The following POLR1A variants were observed in gnomAD, a reference collection of about 807,000 sequenced individuals.
POLR1A encodes the protein DNA-directed RNA polymerase I subunit RPA1.
Under a neutral mutation model 205.3 loss-of-function variants are expected in POLR1A, and 84 were observed. The ratio of observed to expected loss-of-function variants is 0.41; its 90% CI spans 0.34 to 0.49. The LOEUF is 0.49. Ranked by LOEUF, POLR1A falls within the 20% of genes least tolerant of loss-of-function variation. POLR1A has a pLI of 0.22. For synonymous variants in POLR1A, 799 were observed against 863.7 expected, an observed-to-expected ratio of 0.93 and a Z score of 1.31; for missense variants, 1,645 against 2,204.5, an observed-to-expected ratio of 0.75 and a Z score of 5.08.
rs542981410 is a variant in POLR1A at position 86,038,630 on chromosome 2, G to A, written c.4034+70C>T. 4.7e-6 allele frequency: 7 copies of A among 1,483,084 alleles called. No homozygotes were observed. The Admixed American group carries it at 1.2e-4, about 25-fold the overall frequency. 91.9% of individuals were successfully genotyped at this position (1,483,084 alleles called of 1,614,324 possible). ...CAATCTCTAGGAGCCTTGTGGCTAGGTGCTTCCTGCCCCAGTTCAAGCGCA... is the reference window on the plus strand; with the variant it reads ...CAATCTCTAGGAGCCTTGTGGCTAGATGCTTCCTGCCCCAGTTCAAGCGCA... On this transcript the variant is annotated intron_variant, in intron 27 of 33. Transcript: ENST00000263857.
rs1673068500 is a variant in POLR1A at position 86,065,365 on chromosome 2, A to G, written c.1967T>C (p.Leu656Pro). 1 of 1,614,208 alleles carries G rather than the reference A, an allele frequency of 6.2e-7. No homozygotes were observed. Among genetic ancestry groups the G allele is most frequent in the Non-Finnish European group, 8.5e-7 (1 of 1,180,018 alleles). ...CFFTREHYME[L>P]VYRGLTDKVG... ...TTTGTCCGTGAGTCCTCGGTACACC[A>G]GCTCCATATAGTGCTCCCGGGTGAA... The change falls in exon 14 of 34, where the codon CTG becomes CCG. Residue 656 changes from leucine to proline, a missense_variant. Physicochemically the swap from Leu to Pro is moderately conservative, Grantham distance 98. This residue lies in a region of POLR1A where 339 missense variants were observed against 415.1 expected (regional missense o/e 0.82). Coordinates refer to ENST00000263857, the MANE Select transcript of POLR1A (RefSeq NM_015425.6).
chr2:86,091,939 C>T (rs958718980), intron 3 of POLR1A, among the ~76,000 whole-genome samples: 1 of 151,994 alleles, frequency 6.6e-6, no homozygotes, highest in African/African-American at 2.4e-5. Context: ...CATGGTGACA[C>T]CCCATCTCTA....
Position 86,028,639 on chromosome 2 carries a change from G to A in POLR1A, c.4852C>T (p.Leu1618=). 6.2e-7 allele frequency: 1 copy of A among 1,614,172 alleles called. No homozygotes were observed. The highest frequency in any genetic ancestry group is 8.5e-7 in the Non-Finnish European group (1 of 1,179,966). The part of the protein sequence containing the change: ...IANTYGIEAA[L]RVIEKEIKDV... The stretch of plus-strand genomic sequence containing the variant: ...TTGATCTCCTTCTCGATCACCCGCA[G>A]CGCGGCCTCAATGCCATACGTGTTG... The change falls in exon 32 of 34, where the codon CTG becomes TTG. Residue 1618 remains leucine (L), a synonymous_variant. Coordinates refer to ENST00000263857, the MANE Select transcript of POLR1A (RefSeq NM_015425.6). This position sits in a 1 kb window ranked among gnomAD's most constrained non-coding sequence, Gnocchi z 4.5.
At chr2:86,050,970 T>C (rs548622901) in intron 16 of POLR1A, among the ~76,000 whole-genome samples, 2 of 152,336 alleles carry the variant, frequency 1.3e-5, no homozygotes, top group South Asian at 4.1e-4. Flanking sequence ...ACTTAACTTA[T>C]AATCCTTATC....
At position 86,039,333 on chromosome 2, in the gene POLR1A, C is replaced by G. The variant is rs765358583; in HGVS notation, c.3870G>C (p.Leu1290Phe). 1 of 1,613,850 alleles carries G rather than the reference C, an allele frequency of 6.2e-7. No homozygotes were observed. The highest frequency in any genetic ancestry group is 1.1e-5 in the South Asian group (1 of 91,064). The change falls in exon 26 of 34, where the codon TTG becomes TTC. Residue 1290 changes from leucine (L) to phenylalanine (F), a missense_variant. Leu to Phe is a conservative substitution (Grantham distance 22). Around this residue, in one of 16 missense-constraint regions of POLR1A, gnomAD observed 394 missense variants for 468.5 expected, o/e 0.84. Transcript: ENST00000263857. ...SLKKQLTRVC[L>F]GEVLQKIDVQ... Reference sequence around the variant, plus strand: ...TGGGAAGGAGAGACGTTACCTCCCCCAAGCACACCCTGGTGAGTTGCTTCT... The same window carrying G: ...TGGGAAGGAGAGACGTTACCTCCCCGAAGCACACCCTGGTGAGTTGCTTCT...
chr2:86,043,130 G>A lies in POLR1A; in HGVS notation c.3201C>T (p.His1067=). Residue 1067 remains histidine (H), a synonymous_variant, in exon 23 of 34, where the codon CAC becomes CAT. Transcript: ENST00000263857. ...GCCATTTTTTGATAGCTCTGAAGTGGTGGAGAGCTTTTTTGGGATCTGCTC... is the reference window on the plus strand; with the variant it reads ...GCCATTTTTTGATAGCTCTGAAGTGATGGAGAGCTTTTTTGGGATCTGCTC... ...LSRADPKKAL[H]HFRAIKKWQS... 6.2e-7 allele frequency: 1 copy of A among 1,614,120 alleles called. No homozygotes were observed. Among genetic ancestry groups the A allele is most frequent in the Non-Finnish European group, 8.5e-7 (1 of 1,179,968 alleles).
In POLR1A at chr2:86,052,884, G is replaced by A; in HGVS notation, c.2325C>T (p.Gly775=). The part of the protein sequence containing the change: ...CYEIYGGETS[G]KVLTCLARLF... Reference sequence around the variant, plus strand: ...GGCGGGCCAGGCAGGTTAGAACCTTGCCGCTGGTCTCGCCTCCATAGATCT... The same window carrying A: ...GGCGGGCCAGGCAGGTTAGAACCTTACCGCTGGTCTCGCCTCCATAGATCT... The change falls in exon 16 of 34, where the codon GGC becomes GGT. Residue 775 remains glycine (G), a synonymous_variant. Transcript: ENST00000263857. 1 of 1,607,426 alleles carries A rather than the reference G, an allele frequency of 6.2e-7. No homozygotes were observed. The highest frequency in any genetic ancestry group is 8.5e-7 in the Non-Finnish European group (1 of 1,176,828).
intron 16 of POLR1A, among the ~76,000 whole-genome samples, chr2:86,049,449 C>T (rs999696189): frequency 7.2e-5 from 11 of 152,272 alleles, no homozygotes; most frequent in African/African-American, 2.6e-4. Context: ...CCCCATTTTA[C>T]AAATGACAAA....
In POLR1A at chr2:86,023,068, C is replaced by T. The variant is rs1486533258; in HGVS notation, c.*4355G>A. On this transcript the variant is annotated 3_prime_UTR_variant, in exon 34 of 34. Transcript: ENST00000263857. The stretch of plus-strand genomic sequence containing the variant: ...AGAATCGATCTTTTTAAAAAGCTCC[C>T]TAAGTGTTTCTAAGGTCCAAAACTG... 1.3e-5 allele frequency: 2 copies of T among 152,128 alleles called. No individual in the cohort carries two copies. Among genetic ancestry groups the T allele is most frequent in the East Asian group, 1.9e-4 (1 of 5,200 alleles). 9.4% of individuals were successfully genotyped at this position (152,128 alleles called of 1,614,324 possible).
intron 9 of POLR1A, among the ~76,000 whole-genome samples, chr2:86,079,921 C>A (rs1181775208): frequency 6.6e-6 from 1 of 152,146 alleles, no homozygotes; most frequent in African/African-American, 2.4e-5. Context: ...ATCCCATGGT[C>A]TTTTCTTGGA....
At chr2:86,051,416 G>A (rs528247809) in intron 16 of POLR1A, among the ~76,000 whole-genome samples, 124 of 151,368 alleles carry the variant, frequency 8.2e-4, no homozygotes, top group African/African-American at 2.8e-3. Context: ...AATTAAAATA[G>A]AATAAAATGT....
chr2:86,071,993 C>T (rs1461500773), intron 12 of POLR1A, among the ~76,000 whole-genome samples: 1 of 152,178 alleles, frequency 6.6e-6, no homozygotes, highest in Non-Finnish European at 1.5e-5. Flanking sequence ...AGTCTAGTTT[C>T]TTCTTATGTT....
intron 21 of POLR1A, 28 bp from the exon 22 acceptor site, chr2:86,044,332 C>G: frequency 6.2e-7 from 1 of 1,612,968 alleles, no homozygotes; most frequent in Non-Finnish European, 8.5e-7. Context: ...GCTCAGTCCC[C>G]GCCGGCCCAT....
At chr2:86,038,613 A>C in intron 27 of POLR1A, 87 bp downstream of exon 27, 2 of 1,337,008 alleles carry the variant, frequency 1.5e-6, no homozygotes, top group South Asian at 2.5e-5. Context: ...CTCAATCTCT[A>C]GGAGCCTTGT....
chr2:86,081,746 C>A, intron 7 of POLR1A, 40 bp from the exon 8 acceptor site: 1 of 1,236,342 alleles, frequency 8.1e-7, no homozygotes, highest in Non-Finnish European at 1.2e-6. Flanking sequence ...CCATTTAAAT[C>A]TATCACTAAG....
At chr2:86,069,118 G>C (rs1174896421) in intron 13 of POLR1A, among the ~76,000 whole-genome samples, 2 of 152,240 alleles carry the variant, frequency 1.3e-5, no homozygotes, top group Non-Finnish European at 2.9e-5. Flanking sequence ...AGGGTGAAAT[G>C]AGGAGCCTCT....
chr2:86,050,369 A>G (rs943336646), intron 16 of POLR1A, among the ~76,000 whole-genome samples: 1 of 152,230 alleles, frequency 6.6e-6, no homozygotes, highest in Admixed American at 6.5e-5. Flanking sequence ...GGCTTCTAAG[A>G]ACATGTGTGA....
At position 86,022,790 on chromosome 2, in the gene POLR1A, G is replaced by A. The variant is rs1690173343; in HGVS notation, c.*4633C>T. The stretch of plus-strand genomic sequence containing the variant: ...ATACGGGGTCTCACTGGGTTGCCCA[G>A]GCTAGTCTCAAACTCCTAAGCTCAA... On this transcript the variant is annotated 3_prime_UTR_variant, in exon 34 of 34. Transcript: ENST00000263857. The A allele has an allele frequency of 6.6e-6, 1 of 152,180 alleles. No individual in the cohort carries two copies. The highest frequency in any genetic ancestry group is 2.4e-5 in the African/African-American group (1 of 41,410). 9.4% of individuals were successfully genotyped at this position (152,180 alleles called of 1,614,324 possible).
chr2:86,034,369 C>T (rs546995949), intron 27 of POLR1A, among the ~76,000 whole-genome samples: 16 of 152,300 alleles, frequency 1.1e-4, no homozygotes, highest in East Asian at 3.9e-4. Flanking sequence ...GACGAAAGAA[C>T]GAGGACTTCG....
Sources: allele counts gnomAD v4.1 joint callset (sites outside exome capture counted in the v4.1 genomes callset), GRCh38; gene constraint gnomAD v4.1.1; regional missense constraint gnomAD v4.1.1; non-coding constraint Gnocchi (gnomAD v3.1); transcripts MANE v1.5; gene names NCBI Gene and HGNC (gene_info 2026-07-23, HGNC 2026-07-21).